Variants in PTPRT observed in about 807,000 individuals in gnomAD.
PTPRT encodes protein tyrosine phosphatase receptor type T.
PTPRT carries 56 observed loss-of-function variants against 176.8 expected under a neutral mutation model. The ratio of observed to expected loss-of-function variants is 0.32; its 90% confidence interval spans 0.26 to 0.40. The LOEUF is 0.40. PTPRT is among the 10% of genes least tolerant of loss of function. The probability of loss-of-function intolerance (pLI) is 1.00; values close to 1 mark genes in which losing one functional copy is unlikely to be tolerated. For synonymous variants in PTPRT, 783 were observed against 739.0 expected (o/e 1.06, Z -0.96); for missense variants, 1,540 against 1,908.2 (o/e 0.81, Z 3.60).
At chr20:42,222,144 C>A (rs1159481760) in intron 15 of PTPRT, among the ~76,000 whole-genome samples, 1 of 152,208 alleles carries the variant, frequency 6.6e-6, no homozygotes, top group Non-Finnish European at 1.5e-5. Context: ...CTTTCAGAAT[C>A]CCTGCCACAG....
At chr20:42,373,346 C>A (rs1191241444) in intron 9 of PTPRT, among the ~76,000 whole-genome samples, 1 of 152,204 alleles carries the variant, frequency 6.6e-6, no homozygotes, top group Non-Finnish European at 1.5e-5. Context: ...GCAGAACTAT[C>A]AGTTCATAAA....
At chr20:42,894,912 A>G (rs767375591) in intron 1 of PTPRT, among the ~76,000 whole-genome samples, 1 of 152,196 alleles carries the variant, frequency 6.6e-6, no homozygotes, top group Non-Finnish European at 1.5e-5. Flanking sequence ...AGGCACATGC[A>G]GAGAACAGGG....
intron 7 of PTPRT, among the ~76,000 whole-genome samples, chr20:42,558,476 G>A (rs922744419): frequency 6.6e-6 from 1 of 152,062 alleles, no homozygotes; most frequent in African/African-American, 2.4e-5. Context: ...ATTCCTTTGA[G>A]TATAATCGTA....
chr20:42,583,789 T>C (rs1248515875), intron 7 of PTPRT, among the ~76,000 whole-genome samples: 1 of 152,224 alleles, frequency 6.6e-6, no homozygotes, highest in Non-Finnish European at 1.5e-5. Context: ...ATTTTCTCAG[T>C]TGGATATTTT....
At chr20:42,713,156 TACACAC>T (rs11468862) in intron 6 of PTPRT, among the ~76,000 whole-genome samples, 26 of 148,164 alleles carry the variant, frequency 1.8e-4, no homozygotes, top group Middle Eastern at 7.0e-3. Flanking sequence ...CACGCACACA[TACACAC>T]ACACACACAC....
At chr20:42,032,892 C>T in the PTPRT span, among the ~76,000 whole-genome samples, 1 of 152,154 alleles carries the variant, frequency 6.6e-6, no homozygotes, top group East Asian at 1.9e-4. Context: ...AGGAAATGAA[C>T]CTGTGAACAA....
intron 7 of PTPRT, among the ~76,000 whole-genome samples, chr20:42,573,226 G>A (rs574814164): frequency 6.6e-6 from 1 of 152,182 alleles, no homozygotes; most frequent in African/African-American, 2.4e-5. Context: ...GGGCCAGCAG[G>A]AAGGTCAAAG....
intron 15 of PTPRT, among the ~76,000 whole-genome samples, chr20:42,206,952 T>A (rs1018872514): frequency 6.6e-6 from 1 of 151,776 alleles, no homozygotes. Flanking sequence ...TCTGAGAACC[T>A]GCAGACTGCC....
At chr20:42,999,384 T>C (rs554329132) in intron 1 of PTPRT, among the ~76,000 whole-genome samples, 1 of 151,892 alleles carries the variant, frequency 6.6e-6, no homozygotes, top group Non-Finnish European at 1.5e-5. Context: ...ACAATAAGAA[T>C]GTATTAACTT....
intron 9 of PTPRT, among the ~76,000 whole-genome samples, chr20:42,366,905 A>G (rs1208637631): frequency 6.6e-6 from 1 of 152,240 alleles, no homozygotes; most frequent in Non-Finnish European, 1.5e-5. Flanking sequence ...TGGAGGGAAA[A>G]GTCAAACTAA....
chr20:42,862,903 A>G (rs112755393), intron 2 of PTPRT, among the ~76,000 whole-genome samples: 10 of 152,292 alleles, frequency 6.6e-5, no homozygotes, highest in Non-Finnish European at 1.3e-4. Context: ...GCTTGGGCCC[A>G]GCTGTTCTTC....
intron 7 of PTPRT, among the ~76,000 whole-genome samples, chr20:42,602,543 G>A (rs941241427): frequency 5.3e-5 from 8 of 152,072 alleles, no homozygotes. Context: ...ATATCTCTAT[G>A]TTTCAGAGGG....
At chr20:42,689,931 G>A (rs144960302) in intron 6 of PTPRT, among the ~76,000 whole-genome samples, 2 of 152,140 alleles carry the variant, frequency 1.3e-5, no homozygotes. Flanking sequence ...TCATAAATTT[G>A]TGTTGTCTTA....
intron 2 of PTPRT, among the ~76,000 whole-genome samples, chr20:42,883,844 ATAGACACACACC>A (rs796484036): frequency 0.018 from 33 of 1,870 alleles, no homozygotes; most frequent in South Asian, 0.032. Context: ...CCCCATACAC[ATAGACACACACC>A]CCCATAGACA....
intron 7 of PTPRT, among the ~76,000 whole-genome samples, chr20:42,547,849 C>T (rs192324527): frequency 9.9e-5 from 15 of 152,042 alleles, no homozygotes; most frequent in African/African-American, 3.6e-4. Flanking sequence ...AGTCAACAAA[C>T]TATTAGAATC....
In PTPRT at chr20:42,536,406, C is replaced by T. The variant is rs138208947; in HGVS notation, c.1154-63844G>A. ...ACAATTTGGAAACTCTACATTTGCA[C>T]CTAAGACTATCTACCACCAATTTTC... On this transcript the variant is annotated intron_variant, in intron 7 of 30. Coordinates refer to ENST00000373187, the MANE Select transcript of PTPRT (RefSeq NM_007050.6). 2.9e-3 allele frequency among the ~76,000 whole-genome samples: 444 copies of T among 152,256 alleles called. 4 individuals are homozygous for T. Among genetic ancestry groups the T allele is most frequent in the African/African-American group, 9.6e-3 (401 of 41,558 alleles).
At chr20:42,540,969 A>G (rs925733636) in intron 7 of PTPRT, among the ~76,000 whole-genome samples, 13 of 152,162 alleles carry the variant, frequency 8.5e-5, no homozygotes, top group African/African-American at 3.1e-4. Context: ...ACAAGTACCA[A>G]TAAAGGTAGC....
intron 1 of PTPRT, among the ~76,000 whole-genome samples, chr20:43,086,594 A>C (rs2011611300): frequency 6.6e-6 from 1 of 152,234 alleles, no homozygotes; most frequent in South Asian, 2.1e-4. Context: ...GTGAATTACT[A>C]ATTTTCAAAA....
chr20:42,385,925 T>G (rs1405045580), intron 9 of PTPRT, among the ~76,000 whole-genome samples: 1 of 152,164 alleles, frequency 6.6e-6, no homozygotes, highest in African/African-American at 2.4e-5. Flanking sequence ...TATCAGAAGG[T>G]TAAAAGTTTG....
Sources: allele counts gnomAD v4.1 joint callset (sites outside exome capture counted in the v4.1 genomes callset), GRCh38; gene constraint gnomAD v4.1.1; transcripts MANE v1.5; gene names NCBI Gene and HGNC (gene_info 2026-07-23, HGNC 2026-07-21).